TRIM9: variants seen among roughly 807,000 people sequenced by gnomAD.
The protein encoded by TRIM9 is tripartite motif containing 9.
Under a neutral mutation model 78.3 loss-of-function variants are expected in TRIM9, and 26 were observed. That is an observed-to-expected ratio of 0.33 (90% CI 0.24 to 0.46). TRIM9 has a LOEUF of 0.46. TRIM9 is among the 20% of genes least tolerant of loss of function. TRIM9 has a pLI of 1.00. For missense variants in TRIM9, 787 were observed against 1,036.4 expected, an observed-to-expected ratio of 0.76 and a Z score of 3.30; for synonymous variants, 398 against 416.5, an observed-to-expected ratio of 0.96 and a Z score of 0.54.
intron 1 of TRIM9, among the ~76,000 whole-genome samples, chr14:51,075,867 G>A (rs575251196): frequency 2.0e-4 from 31 of 152,196 alleles, no homozygotes; most frequent in African/African-American, 7.5e-4. Context: ...AAAAATCGTT[G>A]TGGGCTCTCT....
chr14:51,010,345 G>A (rs1260220148), intron 4 of TRIM9, 39 bp downstream of exon 4: 4 of 1,522,426 alleles, frequency 2.6e-6, no homozygotes, highest in Admixed American at 1.7e-5. Context: ...TGTCCTATGG[G>A]ACATTTAGAA....
intron 1 of TRIM9, chr14:51,089,896 G>A (rs934115446): frequency 6.6e-6 from 1 of 152,196 alleles, no homozygotes; most frequent in African/African-American, 2.4e-5. Context: ...TTATGGTTGT[G>A]TTGAACTGAA....
intron 3 of TRIM9, among the ~76,000 whole-genome samples, chr14:51,011,978 T>G (rs2139653107): frequency 6.6e-6 from 1 of 152,348 alleles, no homozygotes. Flanking sequence ...CCTGTTCTCT[T>G]ATTATTGGGC....
intron 7 of TRIM9, among the ~76,000 whole-genome samples, chr14:50,994,406 CA>C (rs1302881440): frequency 3.3e-5 from 5 of 151,260 alleles, no homozygotes; most frequent in Admixed American, 2.0e-4. Context: ...GACCTTGTCT[CA>C]AAAAAAAGGA....
intron 1 of TRIM9, among the ~76,000 whole-genome samples, chr14:51,036,182 A>G (rs761507387): frequency 4.6e-5 from 7 of 152,256 alleles, no homozygotes; most frequent in Non-Finnish European, 1.0e-4. Context: ...TTGATGAGCC[A>G]GCCCACGGCA....
intron 1 of TRIM9, among the ~76,000 whole-genome samples, chr14:51,031,147 C>CAAAAAAAAAAAAAAAAAAA (rs1210514761): frequency 9.9e-6 from 1 of 100,754 alleles, no homozygotes. Context: ...AAACTCTTTC[C>CAAAAAAAAAAAAAAAAAAA]AAAAAAAAAA....
chr14:51,014,177 C>A (rs1443113045), intron 3 of TRIM9, among the ~76,000 whole-genome samples: 1 of 152,214 alleles, frequency 6.6e-6, no homozygotes, highest in Non-Finnish European at 1.5e-5. Context: ...AAATACATTA[C>A]TCAGTCCTCA....
At chr14:51,011,373 C>T (rs1296101564) in intron 3 of TRIM9, among the ~76,000 whole-genome samples, 4 of 152,094 alleles carry the variant, frequency 2.6e-5, no homozygotes, top group African/African-American at 9.7e-5. Flanking sequence ...TTTTTTATTT[C>T]CAAAGATGGG....
chr14:51,032,619 C>T (rs144054415), intron 1 of TRIM9, among the ~76,000 whole-genome samples: 39 of 152,316 alleles, frequency 2.6e-4, no homozygotes, highest in African/African-American at 9.1e-4. Context: ...TCCTGGCTTC[C>T]TCACTTCCAG....
Position 50,982,929 on chromosome 14 carries a change from G to C in TRIM9, c.1858+13C>G, listed in dbSNP as rs780573031. The stretch of plus-strand genomic sequence containing the variant: ...TCTTTGCTATTTGGTAACAGAATAA[G>C]GTTATTCCATACCTGCCAACAGCTT... On this transcript the variant is annotated intron_variant, in intron 10 of 12. Coordinates refer to ENST00000684578, the MANE Select transcript of TRIM9 (RefSeq NM_001387360.1). The C allele has an allele frequency of 2.0e-5, 31 of 1,547,430 alleles. No homozygotes were observed. The African/African-American group carries it at 3.7e-4, about 18-fold the overall frequency.
intron 7 of TRIM9, among the ~76,000 whole-genome samples, chr14:50,994,492 CTAAA>C (rs1317150105): frequency 6.6e-6 from 1 of 152,166 alleles, no homozygotes; most frequent in African/African-American, 2.4e-5. Context: ...TCTAAATAGA[CTAAA>C]TAGATAGACT....
At chr14:51,067,656 C>T (rs375607498) in intron 1 of TRIM9, among the ~76,000 whole-genome samples, 4 of 152,028 alleles carry the variant, frequency 2.6e-5, no homozygotes, top group East Asian at 1.9e-4. Flanking sequence ...TTCATCTGTT[C>T]GGCTGGCCCT....
At chr14:50,980,582 G>A (rs914058149) in intron 11 of TRIM9, among the ~76,000 whole-genome samples, 1 of 152,204 alleles carries the variant, frequency 6.6e-6, no homozygotes, top group East Asian at 1.9e-4. Context: ...CATTAAGAAT[G>A]TGTTTCTCTG....
intron 1 of TRIM9, among the ~76,000 whole-genome samples, chr14:51,053,555 TTA>T (rs1468855818): frequency 2.1e-4 from 31 of 145,598 alleles, no homozygotes; most frequent in South Asian, 1.5e-3. Context: ...ATTTATTTAT[TTA>T]TTTTTTTTTA....
At chr14:51,072,313 C>T (rs2062360944) in intron 1 of TRIM9, among the ~76,000 whole-genome samples, 1 of 152,034 alleles carries the variant, frequency 6.6e-6, no homozygotes, top group African/African-American at 2.4e-5. Context: ...AATTATGCTT[C>T]TATGAAAATC....
chr14:51,005,301 T>C (rs1257764908), intron 5 of TRIM9, among the ~76,000 whole-genome samples: 1 of 152,168 alleles, frequency 6.6e-6, no homozygotes. Context: ...GGCTCTTATA[T>C]TCAACTTGAG....
intron 1 of TRIM9, among the ~76,000 whole-genome samples, chr14:51,093,189 G>A (rs1336942427): frequency 6.6e-6 from 1 of 152,200 alleles, no homozygotes; most frequent in Non-Finnish European, 1.5e-5. Flanking sequence ...GGAGTGGCAC[G>A]ACAGAATATG....
chr14:51,016,158 C>G (rs2057165483), intron 3 of TRIM9, among the ~76,000 whole-genome samples: 1 of 152,100 alleles, frequency 6.6e-6, no homozygotes, highest in African/African-American at 2.4e-5. Flanking sequence ...TAAATCATCT[C>G]TAGATTATTT....
rs2056239782 is a variant in TRIM9, at chr14:51,009,159, C to T, written c.1227G>A (p.Met409Ile). 6.2e-7 allele frequency: 1 copy of T among 1,613,986 alleles called. No individual in the cohort carries two copies. Among genetic ancestry groups the T allele is most frequent in the African/African-American group, 1.3e-5 (1 of 74,904 alleles). ...QWGKGTLTPR[M>I]TTDFDLSLDN... is the part of the protein sequence containing the mutation. ...CCAGACTCAAGTCAAAGTCCGTGGT[C>T]ATCCTTGGAGTGAGTGTGCCTTTAC... The change falls in exon 5 of 13, where the codon ATG (methionine) becomes ATA (isoleucine). Residue 409 changes from methionine to isoleucine, a missense_variant. Around this residue, in one of 3 missense-constraint regions of TRIM9, gnomAD observed 421 missense variants for 514.3 expected, o/e 0.82. Transcript: ENST00000684578.
Sources: gnomAD v4.1 joint callset for allele counts (sites outside exome capture counted in the v4.1 genomes callset) on GRCh38, gnomAD v4.1.1 for gene constraint, gnomAD v4.1.1 regional missense constraint, MANE v1.5 for transcripts, NCBI Gene and HGNC (gene_info 2026-07-23, HGNC 2026-07-21) for gene names.